Variants in PABIR3 observed in about 807,000 individuals in gnomAD.
PABIR3 encodes PABIR family member 1.
In PABIR3, 20 loss-of-function variants were observed where a neutral mutation model predicts 23.1. The observed-to-expected ratio is 0.86, with a 90% CI of 0.61 to 1.26. The LOEUF (loss-of-function observed/expected upper bound fraction) is 1.26. PABIR3 is among the 50% of genes most tolerant of loss of function. The probability of loss-of-function intolerance (pLI) is 0.00; values close to 1 mark genes in which losing one functional copy is unlikely to be tolerated. For synonymous variants in PABIR3, 69 were observed against 68.5 expected, an observed-to-expected ratio of 1.01 and a Z score of -0.04; for missense variants, 189 against 195.4, an observed-to-expected ratio of 0.97 and a Z score of 0.20.
chrX:134,834,843 G>A (rs2081921876), intron 4 of PABIR3, among the ~76,000 whole-genome samples: 1 of 111,086 alleles, frequency 9.0e-6, no homozygotes, highest in African/African-American at 3.3e-5. Context: ...TATTTCTGAG[G>A]TCTCTGTTCT....
intron 10 of PABIR3, 113 bp from the exon 11 acceptor site, chrX:134,853,978 G>T (rs982051785): frequency 2.5e-6 from 2 of 810,782 alleles, no homozygotes; most frequent in Non-Finnish European, 3.5e-6. Flanking sequence ...AACTTTGCTT[G>T]TGACAAGTGC....
rs186896837 is a variant in PABIR3, at chrX:134,801,161, A to G, written c.-97-2940A>G. 4.0e-3 allele frequency among the ~76,000 whole-genome samples: 447 copies of G among 112,558 alleles called. 1 individual carries two copies. Among genetic ancestry groups the G allele is most frequent in the Non-Finnish European group, 7.3e-3 (387 of 53,338 alleles). On this transcript the variant is annotated intron_variant, in intron 1 of 4. Transcript: ENST00000414371. ...TTTAACTGCTCAAGAGAATTTTCTA[A>G]GACTAGCCATGTTACTATTATGCAT...
chrX:134,842,188 T>A (rs939295127), intron 4 of PABIR3, among the ~76,000 whole-genome samples: 1 of 112,401 alleles, frequency 8.9e-6, no homozygotes, highest in African/African-American at 3.2e-5. Flanking sequence ...TTGTTGTCAC[T>A]GTGTGGTAGG....
At chrX:134,801,770 G>C (rs1301021586) in intron 1 of PABIR3, among the ~76,000 whole-genome samples, 1 of 110,722 alleles carries the variant, frequency 9.0e-6, no homozygotes, top group African/African-American at 3.3e-5. Flanking sequence ...TCCTTATCCT[G>C]CTCTTGGTTA....
upstream of PABIR3, chrX:134,796,403 T>C: frequency 2.6e-6 from 1 of 384,185 alleles, no homozygotes; most frequent in East Asian, 4.2e-5. Context: ...AGGATGATGA[T>C]GAGGAAGGGA....
chrX:134,852,694 C>T, intron 9 of PABIR3, 106 bp from the exon 10 acceptor site: 1 of 444,250 alleles, frequency 2.3e-6, no homozygotes. Flanking sequence ...TTGTGCTTTT[C>T]TGTATTTTAT....
chrX:134,845,489 A>G (rs1438051789), intron 6 of PABIR3, 88 bp downstream of exon 6: 3 of 766,446 alleles, frequency 3.9e-6, no homozygotes, highest in African/African-American at 2.2e-5. Context: ...TGTAATTTCT[A>G]GAAATCTAAG....
At chrX:134,831,849 A>G (rs1193537406) in intron 4 of PABIR3, among the ~76,000 whole-genome samples, 1 of 111,355 alleles carries the variant, frequency 9.0e-6, no homozygotes, top group Non-Finnish European at 1.9e-5. Flanking sequence ...TGTTCTTTCT[A>G]ACTATATTTT....
chrX:134,814,971 T>C (rs2080895811), intron 3 of PABIR3, 122 bp downstream of exon 3: 3 of 514,839 alleles, frequency 5.8e-6, no homozygotes, highest in Non-Finnish European at 9.4e-6. Flanking sequence ...CCAGCGGGAG[T>C]CTCACCCCCA....
At chrX:134,817,127 C>T (rs891701621) in intron 3 of PABIR3, among the ~76,000 whole-genome samples, 13 of 111,327 alleles carry the variant, frequency 1.2e-4, no homozygotes, top group Non-Finnish European at 9.4e-5. Flanking sequence ...GCCAAGATCG[C>T]GCCACTGCAC....
rs1444362353 is a variant in PABIR3 at position 134,854,394 on chromosome X, G to A, written c.*177G>A. ...AATTCTATTTATCTACAGAACTTGC[G>A]TGTATAATTCTTGTGTACATCCTTA... is the stretch of plus-strand genomic sequence containing the variant. On this transcript the variant is annotated 3_prime_UTR_variant, in exon 11 of 11. Transcript: ENST00000645433. 3.8e-5 allele frequency: 17 copies of A among 449,820 alleles called. No homozygotes were observed. The highest frequency in any genetic ancestry group is 2.5e-4 in the South Asian group (3 of 12,033). 37.1% of individuals were successfully genotyped at this position (449,820 alleles called of 1,213,427 possible).
At chrX:134,827,065 A>G (rs762949557) in intron 3 of PABIR3, among the ~76,000 whole-genome samples, 2 of 111,347 alleles carry the variant, frequency 1.8e-5, no homozygotes, top group South Asian at 7.5e-4. Context: ...GGTTCAAGTG[A>G]TTCTTCTGCC....
chrX:134,853,950 A>G, intron 10 of PABIR3, 141 bp from the exon 11 acceptor site: 1 of 585,582 alleles, frequency 1.7e-6, no homozygotes, highest in Admixed American at 3.3e-5. Flanking sequence ...TGGTGGTTTC[A>G]TTGTATGACT....
intron 4 of PABIR3, among the ~76,000 whole-genome samples, chrX:134,842,977 C>A (rs184815894): frequency 9.2e-6 from 1 of 108,960 alleles, no homozygotes; most frequent in African/African-American, 3.3e-5. Context: ...CCAAGACGGG[C>A]GGATCACAAG....
chrX:134,808,037 A>G (rs1371050994), intron 2 of PABIR3: 2 of 299,229 alleles, frequency 6.7e-6, no homozygotes, highest in African/African-American at 2.7e-5. Context: ...ACTCCTTTGA[A>G]GAAACTTAGT....
upstream of PABIR3, among the ~76,000 whole-genome samples, chrX:134,802,503 G>C (rs1019332604): frequency 4.5e-5 from 5 of 111,944 alleles, no homozygotes; most frequent in African/African-American, 1.6e-4. Context: ...AACTCAGCCT[G>C]GTCCCATCCC....
In PABIR3 at chrX:134,853,946, T is replaced by G. The variant is rs73570711; in HGVS notation, c.687-145T>G. The G allele has an allele frequency of 4.4e-3, 2,494 of 563,002 alleles. 51 individuals are homozygous for G. In the African/African-American group the frequency reaches 0.053, roughly 12 times the overall value. 46.4% of individuals were successfully genotyped at this position (563,002 alleles called of 1,213,427 possible). On this transcript the variant is annotated intron_variant, in intron 10 of 10. Coordinates refer to ENST00000645433, the MANE Select transcript of PABIR3 (RefSeq NM_001388447.1). ...GATTTCTATTTATTGTTACTGGTGG[T>G]TTCATTGTATGACTCTTAAAAAACT...
In PABIR3 at chrX:134,850,860, C is replaced by T. The variant is rs1238682113; in HGVS notation, c.589+1632C>T. Among the ~76,000 whole-genome samples the T allele has an allele frequency of 7.2e-5, 8 of 111,715 alleles. No individual in the cohort carries two copies. In the East Asian group the frequency reaches 1.7e-3, roughly 24 times the overall value. On this transcript the variant is annotated intron_variant, in intron 9 of 10. Coordinates refer to ENST00000645433, the MANE Select transcript of PABIR3 (RefSeq NM_001388447.1). ...AGGTGTCCCTGAGGGAACTCCAAAG[C>T]GAATTCTGTATATACCACCTAGTCC...
downstream of PABIR3, among the ~76,000 whole-genome samples, chrX:134,857,330 A>G (rs1254848617): frequency 9.0e-6 from 1 of 110,870 alleles, no homozygotes; most frequent in Non-Finnish European, 1.9e-5. Flanking sequence ...TCTCTGCCTC[A>G]GAGAGAATCC....
Sources: allele counts gnomAD v4.1 joint callset (sites outside exome capture counted in the v4.1 genomes callset), GRCh38; gene constraint gnomAD v4.1.1; transcripts MANE v1.5; gene names NCBI Gene and HGNC (gene_info 2026-07-23, HGNC 2026-07-21).